PRKG1: variants seen among roughly 807,000 people sequenced by gnomAD.
The protein encoded by PRKG1 is cGMP-dependent protein kinase 1.
Under a neutral mutation model 88.1 loss-of-function variants are expected in PRKG1, and 35 were observed. The ratio of observed to expected loss-of-function variants is 0.40; its 90% confidence interval spans 0.30 to 0.53. The LOEUF is 0.53. PRKG1 is among the 20% of genes least tolerant of loss of function. PRKG1 has a pLI of 0.59. For missense variants in PRKG1, 540 were observed against 839.8 expected (o/e 0.64, Z 4.41); for synonymous variants, 303 against 292.5 (o/e 1.04, Z -0.37).
chr10:52,063,962 G>T (rs1846297090), intron 7 of PRKG1, among the ~76,000 whole-genome samples: 2 of 152,216 alleles, frequency 1.3e-5, no homozygotes. Flanking sequence ...AATACATGCT[G>T]ATTGGTTCAT....
intron 7 of PRKG1, among the ~76,000 whole-genome samples, chr10:52,064,841 A>G (rs1490446971): frequency 2.0e-5 from 3 of 152,200 alleles, no homozygotes; most frequent in Admixed American, 1.3e-4. Flanking sequence ...TGATGGCAGC[A>G]GCAGCTCCAG....
chr10:51,137,565 C>A (rs543548535), intron 1 of PRKG1, among the ~76,000 whole-genome samples: 87 of 152,148 alleles, frequency 5.7e-4, no homozygotes, highest in African/African-American at 1.9e-3. Flanking sequence ...TCTGTAGAAA[C>A]CTCACTGATA....
intron 5 of PRKG1, among the ~76,000 whole-genome samples, chr10:51,957,772 A>C (rs973846493): frequency 3.9e-5 from 6 of 152,176 alleles, no homozygotes; most frequent in African/African-American, 1.4e-4. Flanking sequence ...CTAGTAAAAA[A>C]CATTTCTTTT....
chr10:51,551,258 C>T (rs912864803), intron 3 of PRKG1, among the ~76,000 whole-genome samples: 6 of 151,774 alleles, frequency 4.0e-5, no homozygotes, highest in South Asian at 2.1e-4. Context: ...CTGATCGATG[C>T]ACAAGGATCC....
chr10:51,081,772 G>A (rs955918100), intron 1 of PRKG1, among the ~76,000 whole-genome samples: 1 of 152,156 alleles, frequency 6.6e-6, no homozygotes, highest in Non-Finnish European at 1.5e-5. Flanking sequence ...TTGATTGATT[G>A]AGACAGGTTC....
chr10:51,318,442 G>C (rs1053637818), intron 2 of PRKG1, among the ~76,000 whole-genome samples: 21 of 152,136 alleles, frequency 1.4e-4, no homozygotes, highest in African/African-American at 5.1e-4. Flanking sequence ...GTATTGACTA[G>C]TATCATTATA....
intron 3 of PRKG1, among the ~76,000 whole-genome samples, chr10:51,731,571 A>T (rs1043960031): frequency 3.9e-5 from 6 of 152,220 alleles, no homozygotes; most frequent in Non-Finnish European, 8.8e-5. Context: ...TTTTCTAGAG[A>T]CAAACCATCA....
At chr10:51,825,499 C>T (rs777113431) in intron 4 of PRKG1, among the ~76,000 whole-genome samples, 2 of 152,094 alleles carry the variant, frequency 1.3e-5, no homozygotes, top group African/African-American at 4.8e-5. Context: ...GACAAGAGCA[C>T]TGTAGGCAAA....
intron 12 of PRKG1, 110 bp downstream of exon 12, chr10:52,272,591 T>G: frequency 1.3e-6 from 1 of 767,768 alleles, no homozygotes; most frequent in Non-Finnish European, 2.1e-6. Context: ...AATTTACACA[T>G]GCTTATATTT....
chr10:51,262,952 C>T (rs1395504835), intron 2 of PRKG1, among the ~76,000 whole-genome samples: 2 of 152,164 alleles, frequency 1.3e-5, no homozygotes, highest in African/African-American at 4.8e-5. Flanking sequence ...GAACTAAACT[C>T]TATCAGCCCA....
At chr10:51,084,517 T>C (rs960072042) in intron 1 of PRKG1, among the ~76,000 whole-genome samples, 7 of 152,198 alleles carry the variant, frequency 4.6e-5, no homozygotes, top group Non-Finnish European at 8.8e-5. Context: ...TAAATGTAAA[T>C]TAAACTTCAG....
chr10:51,151,073 TG>T (rs1360122154), intron 1 of PRKG1, among the ~76,000 whole-genome samples: 5 of 151,492 alleles, frequency 3.3e-5, no homozygotes, highest in African/African-American at 1.2e-4. Context: ...TTGTGGTTCT[TG>T]ATTAGTTTTT....
Position 51,341,529 on chromosome 10 carries a change from C to T in PRKG1, c.479-126194C>T, listed in dbSNP as rs562263389. On this transcript the variant is annotated intron_variant, in intron 2 of 17. Coordinates refer to ENST00000373980, the MANE Select transcript of PRKG1 (RefSeq NM_006258.4). The stretch of plus-strand genomic sequence containing the variant: ...GTCTTCCCTAAGGCAAGTGTTATGG[C>T]TGGGAACTTAAATGGCTATTCTTAA... Among the ~76,000 whole-genome samples, 12 of 152,272 alleles carry T rather than the reference C, an allele frequency of 7.9e-5. No homozygotes were observed. The South Asian group carries it at 2.3e-3, about 29-fold the overall frequency.
intron 1 of PRKG1, among the ~76,000 whole-genome samples, chr10:51,035,117 G>C (rs1380394389): frequency 6.6e-6 from 1 of 152,074 alleles, no homozygotes; most frequent in Non-Finnish European, 1.5e-5. Flanking sequence ...TGGGGTTTGG[G>C]CTCTGGGTTC....
At chr10:51,482,314 A>G (rs761677446) in intron 3 of PRKG1, among the ~76,000 whole-genome samples, 9 of 152,134 alleles carry the variant, frequency 5.9e-5, no homozygotes, top group Non-Finnish European at 1.2e-4. Context: ...TTAATAACTG[A>G]TATGCAGTAT....
chr10:51,836,421 C>T (rs752078415), intron 4 of PRKG1, among the ~76,000 whole-genome samples: 1 of 152,068 alleles, frequency 6.6e-6, no homozygotes, highest in Non-Finnish European at 1.5e-5. Context: ...TAGTTTGTTG[C>T]AATCCCATTT....
chr10:51,253,094 A>G (rs548524968), intron 2 of PRKG1, among the ~76,000 whole-genome samples: 3 of 152,036 alleles, frequency 2.0e-5, no homozygotes, highest in East Asian at 3.9e-4. Context: ...TTTTCAATTC[A>G]TCGGAGAGCT....
intron 2 of PRKG1, among the ~76,000 whole-genome samples, chr10:51,297,376 C>G (rs887929414): frequency 6.6e-6 from 1 of 152,100 alleles, no homozygotes; most frequent in Non-Finnish European, 1.5e-5. Context: ...AATAAAAATG[C>G]TGCTTTAACT....
chr10:51,233,905 C>A (rs1208573870), intron 2 of PRKG1, among the ~76,000 whole-genome samples: 1 of 152,084 alleles, frequency 6.6e-6, no homozygotes, highest in Non-Finnish European at 1.5e-5. Flanking sequence ...TGTCTTGTTA[C>A]ATTCTTCTTA....
Sources: gnomAD v4.1 joint callset for allele counts (sites outside exome capture counted in the v4.1 genomes callset) on GRCh38, gnomAD v4.1.1 for gene constraint, MANE v1.5 for transcripts, NCBI Gene and HGNC (gene_info 2026-07-23, HGNC 2026-07-21) for gene names.